The following CAMKMT variants were observed in gnomAD, a reference collection of about 807,000 sequenced individuals.
The protein encoded by CAMKMT is calmodulin-lysine N-methyltransferase.
Under a neutral mutation model 48.0 loss-of-function variants are expected in CAMKMT, and 53 were observed. That is an observed-to-expected ratio of 1.10 (90% CI 0.89 to 1.39). CAMKMT has a LOEUF of 1.39. Ranked by LOEUF, CAMKMT falls within the 40% of genes most tolerant of loss-of-function variation. CAMKMT has a pLI of 0.00. For synonymous variants in CAMKMT, 165 were observed against 152.3 expected, an observed-to-expected ratio of 1.08 and a Z score of -0.61; for missense variants, 428 against 402.7, an observed-to-expected ratio of 1.06 and a Z score of -0.54.
rs1341540608 is a variant in CAMKMT, at chr2:44,618,180, G to A, written c.377-86103G>A. 6.6e-6 allele frequency among the ~76,000 whole-genome samples: 1 copy of A among 152,216 alleles called. No homozygotes were observed. Among genetic ancestry groups the A allele is most frequent in the Non-Finnish European group, 1.5e-5 (1 of 68,038 alleles). ...CACCTTCCCAAGTGCAAGCAGGCAA[G>A]CTGTTATTGATCAAAGAGGTTTTGT... On this transcript the variant is annotated intron_variant, in intron 3 of 10. Coordinates refer to ENST00000378494, the MANE Select transcript of CAMKMT (RefSeq NM_024766.5). The surrounding 1 kb of genome is among the most constrained non-coding windows in gnomAD (Gnocchi z 4.0).
At chr2:44,549,030 T>TA (rs1221236564) in intron 3 of CAMKMT, among the ~76,000 whole-genome samples, 1 of 152,206 alleles carries the variant, frequency 6.6e-6, no homozygotes, top group Non-Finnish European at 1.5e-5. Context: ...AAAAAACTAA[T>TA]ACATCTTGTT....
intron 8 of CAMKMT, among the ~76,000 whole-genome samples, chr2:44,751,140 G>A (rs1175289453): frequency 6.6e-6 from 1 of 152,164 alleles, no homozygotes; most frequent in Non-Finnish European, 1.5e-5. Context: ...TCTACTTCTT[G>A]TACTGAGCTT....
chr2:44,571,266 T>A (rs1477035351), intron 3 of CAMKMT, among the ~76,000 whole-genome samples: 1 of 152,204 alleles, frequency 6.6e-6, no homozygotes, highest in Non-Finnish European at 1.5e-5. Flanking sequence ...TTGTTGTGTT[T>A]GTTTTCCACA....
At chr2:44,365,779 A>C (rs1678527135) in intron 1 of CAMKMT, among the ~76,000 whole-genome samples, 1 of 152,232 alleles carries the variant, frequency 6.6e-6, no homozygotes, top group African/African-American at 2.4e-5. Flanking sequence ...AGGGCAGATG[A>C]AAAAGTAGCA....
At chr2:44,715,218 C>G (rs1385763132) in intron 6 of CAMKMT, 69 bp from the exon 7 acceptor site, 10 of 803,266 alleles carry the variant, frequency 1.2e-5, no homozygotes, top group Non-Finnish European at 1.9e-5. Context: ...AAAAAGATAA[C>G]TGTTTCTGGA....
At chr2:44,694,551 A>G (rs1676834368) in intron 3 of CAMKMT, among the ~76,000 whole-genome samples, 1 of 152,230 alleles carries the variant, frequency 6.6e-6, no homozygotes, top group Admixed American at 6.5e-5. Flanking sequence ...TGACAGAGTG[A>G]GATCCTGTCT....
intron 3 of CAMKMT, among the ~76,000 whole-genome samples, chr2:44,570,883 A>G (rs1033468315): frequency 6.6e-6 from 1 of 152,202 alleles, no homozygotes; most frequent in African/African-American, 2.4e-5. Flanking sequence ...GGTTATTGTT[A>G]CATATTTTAG....
rs370671265 is a variant in CAMKMT, at chr2:44,417,431, C to T, written c.376+27126C>T. 6.0e-4 allele frequency among the ~76,000 whole-genome samples: 92 copies of T among 152,134 alleles called. 1 individual carries two copies. The South Asian group carries it at 0.018, about 31-fold the overall frequency. On this transcript the variant is annotated intron_variant, in intron 3 of 10. Coordinates refer to ENST00000378494, the MANE Select transcript of CAMKMT (RefSeq NM_024766.5). The stretch of plus-strand genomic sequence containing the variant: ...AATAAAAATGAAAAATAAATATGCC[C>T]ACAATTCATTTATGTATTCATCTAT...
At chr2:44,406,100 A>G (rs963945353) in intron 3 of CAMKMT, among the ~76,000 whole-genome samples, 4 of 152,188 alleles carry the variant, frequency 2.6e-5, no homozygotes, top group African/African-American at 9.6e-5. Flanking sequence ...AGTCTAGCCA[A>G]CTTAGACAAA....
At chr2:44,475,319 ATT>A (rs11318687) in intron 3 of CAMKMT, among the ~76,000 whole-genome samples, 174 of 142,348 alleles carry the variant, frequency 1.2e-3, no homozygotes, top group Admixed American at 1.3e-3. Flanking sequence ...ATAGGTTGAA[ATT>A]TTTTTTTTTT....
chr2:44,543,654 T>G (rs1486105869), intron 3 of CAMKMT, among the ~76,000 whole-genome samples: 6 of 152,186 alleles, frequency 3.9e-5, no homozygotes, highest in Non-Finnish European at 5.9e-5. Flanking sequence ...TATTATTATT[T>G]TTTGGTGCAT....
chr2:44,568,770 C>T (rs1429490303), intron 3 of CAMKMT, among the ~76,000 whole-genome samples: 1 of 152,152 alleles, frequency 6.6e-6, no homozygotes, highest in Non-Finnish European at 1.5e-5. Context: ...GTGACATGTG[C>T]AGCCCCTGCT....
intron 3 of CAMKMT, among the ~76,000 whole-genome samples, chr2:44,680,603 A>G (rs1285194065): frequency 6.6e-6 from 1 of 152,212 alleles, no homozygotes; most frequent in East Asian, 1.9e-4. Context: ...AATACCAGTT[A>G]TGCCCATGCT....
intron 3 of CAMKMT, among the ~76,000 whole-genome samples, chr2:44,695,478 A>G (rs565169786): frequency 6.6e-6 from 1 of 152,192 alleles, no homozygotes; most frequent in African/African-American, 2.4e-5. Context: ...TAAAGCATTG[A>G]TGCTAAAATG....
At chr2:44,752,192 A>G (rs62134160) in intron 8 of CAMKMT, among the ~76,000 whole-genome samples, 17,890 of 151,892 alleles carry the variant, frequency 0.12, 1,137 homozygotes, top group African/African-American at 0.16. Context: ...ATTCAGCTGT[A>G]CTTTCTAAGC....
At chr2:44,614,001 A>T (rs1301111751) in intron 3 of CAMKMT, among the ~76,000 whole-genome samples, 1 of 152,246 alleles carries the variant, frequency 6.6e-6, no homozygotes, top group African/African-American at 2.4e-5. Context: ...GAATATGAAA[A>T]GCCCTATAAA....
chr2:44,429,628 C>A (rs983359816), intron 3 of CAMKMT, among the ~76,000 whole-genome samples: 1 of 151,596 alleles, frequency 6.6e-6, no homozygotes, highest in African/African-American at 2.4e-5. Context: ...GGTGAAACCC[C>A]GTCTCTACTA....
intron 10 of CAMKMT, among the ~76,000 whole-genome samples, chr2:44,768,002 G>A (rs149014222): frequency 5.3e-5 from 8 of 152,130 alleles, no homozygotes; most frequent in Non-Finnish European, 2.9e-5. Flanking sequence ...GATACCCTCC[G>A]TCTCCTCCCT....
chr2:44,768,698 G>A (rs1295752806), intron 10 of CAMKMT, among the ~76,000 whole-genome samples: 1 of 152,176 alleles, frequency 6.6e-6, no homozygotes, highest in African/African-American at 2.4e-5. Context: ...GCGGCCGCCG[G>A]GAGCCTCCAC....
Sources: allele counts gnomAD v4.1 joint callset (sites outside exome capture counted in the v4.1 genomes callset), GRCh38; gene constraint gnomAD v4.1.1; non-coding constraint Gnocchi (gnomAD v3.1); transcripts MANE v1.5; gene names NCBI Gene and HGNC (gene_info 2026-07-23, HGNC 2026-07-21).